The following RALGDS variants were observed in gnomAD, a reference collection of about 807,000 sequenced individuals.
RALGDS encodes the protein ral guanine nucleotide exchange factor.
Under a neutral mutation model 99.8 loss-of-function variants are expected in RALGDS, and 44 were observed. The ratio of observed to expected loss-of-function variants is 0.44; its 90% CI spans 0.35 to 0.57. The LOEUF (loss-of-function observed/expected upper bound fraction) is 0.57. Ranked by LOEUF, RALGDS falls within the 20% of genes least tolerant of loss-of-function variation. RALGDS has a pLI of 0.01. For missense variants in RALGDS, 1,022 were observed against 1,203.1 expected, an observed-to-expected ratio of 0.85 and a Z score of 2.23; for synonymous variants, 529 against 505.0, an observed-to-expected ratio of 1.05 and a Z score of -0.64.
intron 1 of RALGDS, among the ~76,000 whole-genome samples, chr9:133,141,993 T>C (rs1832531181): frequency 6.6e-6 from 1 of 152,192 alleles, no homozygotes; most frequent in African/African-American, 2.4e-5. Flanking sequence ...TGGTACCCCA[T>C]GGCCCCACAC....
intron 14 of RALGDS, 27 bp from the exon 15 acceptor site, chr9:133,102,166 G>C: frequency 6.4e-7 from 1 of 1,551,032 alleles, no homozygotes; most frequent in Non-Finnish European, 8.7e-7. Context: ...CTTAGTTAAG[G>C]GGGCTCCCCA....
At chr9:133,109,521 G>A (rs1831234789) in intron 4 of RALGDS, 105 bp downstream of exon 4, 2 of 1,041,674 alleles carry the variant, frequency 1.9e-6, no homozygotes, top group Admixed American at 1.7e-5. Flanking sequence ...AGGTGTGGGA[G>A]CCAGGGTTCT....
At chr9:133,142,545 C>T (rs1470211007) in intron 1 of RALGDS, among the ~76,000 whole-genome samples, 1 of 152,196 alleles carries the variant, frequency 6.6e-6, no homozygotes, top group Non-Finnish European at 1.5e-5. Context: ...CACAATGCTT[C>T]CCGTTCCCTT....
chr9:133,131,256 C>CTCAG (rs1198489811), upstream of RALGDS: 28 of 354,072 alleles, frequency 7.9e-5, no homozygotes, highest in East Asian at 5.7e-3. Context: ...GGTGGAGACT[C>CTCAG]TCAGGGGATG....
upstream of RALGDS, among the ~76,000 whole-genome samples, chr9:133,121,918 C>A (rs1235420442): frequency 7.2e-6 from 1 of 139,678 alleles, no homozygotes; most frequent in Non-Finnish European, 1.6e-5. Context: ...GGGAAAGGGT[C>A]AGAGAGTGGG....
chr9:133,099,132 G>A (rs1239117495), intron 17 of RALGDS: 1 of 277,506 alleles, frequency 3.6e-6, no homozygotes, highest in East Asian at 8.7e-5. Context: ...AGGGATCCAA[G>A]GACCAGGAAA....
At chr9:133,149,051 C>T (rs1832672114) in exon 1 of RALGDS, 16 of 1,385,698 alleles carry the variant, frequency 1.2e-5, no homozygotes, top group Non-Finnish European at 1.3e-5. Flanking sequence ...TCGCCTGGGC[C>T]CGCGCGCGGC....
At chr9:133,140,501 C>T (rs925583795) in intron 1 of RALGDS, among the ~76,000 whole-genome samples, 1 of 152,140 alleles carries the variant, frequency 6.6e-6, no homozygotes, top group Non-Finnish European at 1.5e-5. Flanking sequence ...AGGTCCTGCA[C>T]CCTTCCCATG....
rs1030192273 is a variant in RALGDS at position 133,101,081 on chromosome 9, C to T, written c.2454+439G>A. 4 of 1,111,146 alleles carry T rather than the reference C, an allele frequency of 3.6e-6. No homozygotes were observed. The African/African-American group carries it at 6.5e-5, about 18-fold the overall frequency. The allele number at this position is 1,111,146 out of a possible 1,614,324, so 68.8% of individuals were successfully genotyped here. Reference sequence around the variant, plus strand: ...CTCCAAATCCTGTCTAGACTCTGACCCTGCTGGCCCCTTCCAGGGCTCCCA... The same window carrying T: ...CTCCAAATCCTGTCTAGACTCTGACTCTGCTGGCCCCTTCCAGGGCTCCCA... On this transcript the variant is annotated intron_variant, in intron 16 of 17. Transcript: ENST00000372050.
upstream of RALGDS, among the ~76,000 whole-genome samples, chr9:133,133,704 G>T (rs915963862): frequency 6.6e-6 from 1 of 152,214 alleles, no homozygotes; most frequent in Non-Finnish European, 1.5e-5. Context: ...CTGACCCCAG[G>T]CTTCTCCCAG....
chr9:133,102,927 G>A (rs754344797), intron 12 of RALGDS, 27 bp from the exon 13 acceptor site: 1 of 1,611,814 alleles, frequency 6.2e-7, no homozygotes, highest in Non-Finnish European at 8.5e-7. Flanking sequence ...GCACAGGGCG[G>A]TGACAAGGCC....
Position 133,121,192 on chromosome 9 carries a change from C to CGG in RALGDS, c.-39_-38insCC. ...GCGCGGGCGCGGGGCCGGCCCGGCG[C>CGG]GCGGCGGGGGCGGCGGCGCGGCCCG... is the stretch of plus-strand genomic sequence containing the variant. On this transcript the variant is annotated 5_prime_UTR_variant, in exon 1 of 18. Transcript: ENST00000372050. 1.1e-6 allele frequency: 1 copy of CGG among 892,420 alleles called. No homozygotes were observed. 55.3% of individuals were successfully genotyped at this position (892,420 alleles called of 1,614,324 possible).
chr9:133,144,572 G>A lies in RALGDS; in HGVS notation c.18+4391C>T, dbSNP rs1160189552. Among the ~76,000 whole-genome samples, 1 of 152,214 alleles carries A rather than the reference G, an allele frequency of 6.6e-6. No individual in the cohort carries two copies. The highest frequency in any genetic ancestry group is 1.5e-5 in the Non-Finnish European group (1 of 68,046). The stretch of plus-strand genomic sequence containing the variant: ...TCTGCGGCAGCTCCGCGCCGGGCTG[G>A]GCGGCCGCACGGGAGGGCACAGCGC... On this transcript the variant is annotated intron_variant, in intron 1 of 17. Coordinates refer to the RALGDS transcript ENST00000393160. The surrounding 1 kb of genome is among the most constrained non-coding windows in gnomAD (Gnocchi z 4.5).
At chr9:133,110,552 A>T in intron 2 of RALGDS, 63 bp from the exon 3 acceptor site, 1 of 1,449,402 alleles carries the variant, frequency 6.9e-7, no homozygotes. Flanking sequence ...TGGAGCTCAG[A>T]TGGAACCCCG....
At chr9:133,131,438 C>T (rs1452703956), upstream of RALGDS, among the ~76,000 whole-genome samples, 1 of 152,054 alleles carries the variant, frequency 6.6e-6, no homozygotes, top group Non-Finnish European at 1.5e-5. Flanking sequence ...GAAGAGAATC[C>T]CAAGTCCTCA....
chr9:133,103,816 G>C lies in RALGDS; in HGVS notation c.1689C>G (p.Thr563=). The C allele has an allele frequency of 1.2e-6, 2 of 1,613,186 alleles. No individual in the cohort carries two copies. Among genetic ancestry groups the C allele is most frequent in the Non-Finnish European group, 1.7e-6 (2 of 1,179,884 alleles). The change falls in exon 11 of 18, where the codon ACC becomes ACG. Residue 563 remains threonine, a synonymous_variant. Transcript: ENST00000372050. The part of the protein sequence containing the change: ...RPKETGIIQG[T]VPYLGTFLTD... The stretch of plus-strand genomic sequence containing the variant: ...TGAGGAACGTGCCCAGGTAGGGAAC[G>C]GTGCCCTGGATGATGCCCTGTGACA...
At chr9:133,122,405 T>C (rs34093506), upstream of RALGDS, among the ~76,000 whole-genome samples, 38,239 of 152,184 alleles carry the variant, frequency 0.25, 5,192 homozygotes, top group Middle Eastern at 0.42. Context: ...TGGTCCGTAC[T>C]ATTGGGCCTC....
chr9:133,121,664 C>T (rs1398447193), upstream of RALGDS, among the ~76,000 whole-genome samples: 1 of 152,238 alleles, frequency 6.6e-6, no homozygotes, highest in African/African-American at 2.4e-5. Context: ...ACTCTGTGGC[C>T]TTCCACAAGT....
At chr9:133,135,526 G>T (rs1832411646), upstream of RALGDS, among the ~76,000 whole-genome samples, 1 of 152,234 alleles carries the variant, frequency 6.6e-6, no homozygotes, top group Non-Finnish European at 1.5e-5. Context: ...GGGCACCGCA[G>T]CTCCCCTCCC....
Sources: gnomAD v4.1 joint callset for allele counts (sites outside exome capture counted in the v4.1 genomes callset) on GRCh38, gnomAD v4.1.1 for gene constraint, Gnocchi (gnomAD v3.1) non-coding constraint, MANE v1.5 for transcripts, NCBI Gene and HGNC (gene_info 2026-07-23, HGNC 2026-07-21) for gene names.